The following ZFYVE26 variants were observed in gnomAD, a reference collection of about 807,000 sequenced individuals.
The protein encoded by ZFYVE26 is zinc finger FYVE domain-containing protein 26.
A neutral mutation model predicts 276.5 loss-of-function variants in ZFYVE26; 181 were observed. The observed-to-expected ratio is 0.65, with a 90% CI of 0.58 to 0.74. ZFYVE26 has a LOEUF of 0.74. Among genes scored for constraint, ZFYVE26 ranks in the 30% least tolerant of loss-of-function variants. The pLI is 0.00. For synonymous variants in ZFYVE26, 1,129 were observed against 1,203.1 expected, an observed-to-expected ratio of 0.94 and a Z score of 1.27; for missense variants, 2,821 against 3,097.9, an observed-to-expected ratio of 0.91 and a Z score of 2.12.
chr14:67,731,480 G>C (rs966882075), intron 13 of ZFYVE26, among the ~76,000 whole-genome samples: 25 of 151,940 alleles, frequency 1.6e-4, no homozygotes, highest in Non-Finnish European at 2.8e-4. Flanking sequence ...CTCCCAAAGT[G>C]CTGGGATTGC....
rs1285085525 is a variant in ZFYVE26 at position 67,769,638 on chromosome 14, G to C, written c.5577C>G (p.Asn1859Lys). ...KKMVVEGCRE[N>K]PARVCDQCYS... The stretch of plus-strand genomic sequence containing the variant: ...AGCACTGATCACACACACGAGCAGG[G>C]TTCTCTCTGCAGCCTTCAACCACCA... The change falls in exon 29 of 42, where the codon AAC becomes AAG. Residue 1859 changes from asparagine to lysine, a missense_variant. Asn to Lys is a moderately conservative substitution (Grantham distance 94). Coordinates refer to ENST00000347230, the MANE Select transcript of ZFYVE26 (RefSeq NM_015346.4). 2.5e-6 allele frequency: 4 copies of C among 1,613,914 alleles called. No individual in the cohort carries two copies. Among genetic ancestry groups the C allele is most frequent in the African/African-American group, 1.3e-5 (1 of 74,906 alleles).
chr14:67,790,776 G>A lies in ZFYVE26; in HGVS notation c.2554-3C>T, dbSNP rs768682526. On this transcript the variant is annotated splice_polypyrimidine_tract_variant and splice_region_variant and intron_variant, in intron 14 of 41. Coordinates refer to ENST00000347230, the MANE Select transcript of ZFYVE26 (RefSeq NM_015346.4). ...TTCAGGTTGAACGTGAACAGCACCT[G>A]TCATAGGAGAGGGAGTGTGTGGGCC... The A allele has an allele frequency of 2.5e-6, 4 of 1,613,716 alleles. No homozygotes were observed. Among genetic ancestry groups the A allele is most frequent in the Non-Finnish European group, 3.4e-6 (4 of 1,179,816 alleles).
rs77615336 is a variant in ZFYVE26 at position 67,762,063 on chromosome 14, GA to G, written c.6369+139del. Reference sequence around the variant, plus strand: ...GTTACTTATCTAACTATATGTGATGGAAAAAAAAAATTTTTAACCTGCTTGA... The same window carrying G: ...GTTACTTATCTAACTATATGTGATGGAAAAAAAAATTTTTAACCTGCTTGA... On this transcript the variant is annotated intron_variant, in intron 34 of 41. Coordinates refer to ENST00000347230, the MANE Select transcript of ZFYVE26 (RefSeq NM_015346.4). 1.3e-3 allele frequency: 1,231 copies of G among 947,988 alleles called. 7 individuals carry two copies. Among genetic ancestry groups the G allele is most frequent in the African/African-American group, 0.012 (758 of 61,082 alleles). The allele number at this position is 947,988 out of a possible 1,614,324, so 58.7% of individuals were successfully genotyped here.
At chr14:67,732,429 C>CAAAAAAA (rs11310522) in intron 13 of ZFYVE26, among the ~76,000 whole-genome samples, 1 of 126,492 alleles carries the variant, frequency 7.9e-6, no homozygotes, top group Non-Finnish European at 1.7e-5. Flanking sequence ...GACCCTATCT[C>CAAAAAAA]AAAAAAAAAA....
At chr14:67,756,507 C>T (rs2038783656) in intron 35 of ZFYVE26, 4 of 273,954 alleles carry the variant, frequency 1.5e-5, no homozygotes, top group Non-Finnish European at 2.8e-5. Context: ...ATCCTTGATC[C>T]TTATTTTCTA....
chr14:67,769,733 G>A lies in ZFYVE26; in HGVS notation c.5485-3C>T. 1 of 1,614,038 alleles carries A rather than the reference G, an allele frequency of 6.2e-7. No individual in the cohort carries two copies. Among genetic ancestry groups the A allele is most frequent in the Non-Finnish European group, 8.5e-7 (1 of 1,180,020 alleles). On this transcript the variant is annotated splice_polypyrimidine_tract_variant and splice_region_variant and intron_variant, in intron 28 of 41. Transcript: ENST00000347230. Reference sequence around the variant, plus strand: ...CGACAATGATGACGCCTGTTAAACTGAGGAATGCCATCAGGAGGAGAAGAA... The same window carrying A: ...CGACAATGATGACGCCTGTTAAACTAAGGAATGCCATCAGGAGGAGAAGAA...
intron 13 of ZFYVE26, 39 bp downstream of exon 13, chr14:67,794,132 A>G: frequency 6.2e-7 from 1 of 1,600,044 alleles, no homozygotes; most frequent in Non-Finnish European, 8.6e-7. Context: ...TATCAGGGCA[A>G]AGCTGCTCAA....
chr14:67,809,251 A>G lies in ZFYVE26; in HGVS notation c.312T>C (p.Phe104=), dbSNP rs765368162. The G allele has an allele frequency of 2.6e-5, 42 of 1,614,050 alleles. No homozygotes were observed. The highest frequency in any genetic ancestry group is 3.5e-5 in the Non-Finnish European group (41 of 1,180,040). The part of the protein sequence containing the change: ...LPVVFRRKLE[F]LLLSEDLQGD... ...CTTGGAGGTCTTCTGACAATAAAAG[A>G]AACTCAAGCTTTCTCCGGAAAACAA... The change falls in exon 4 of 42, where the codon TTT becomes TTC. Residue 104 remains phenylalanine, a synonymous_variant. Transcript: ENST00000347230.
chr14:67,753,561 T>C (rs1422201026), intron 39 of ZFYVE26, 146 bp downstream of exon 39: 6 of 918,252 alleles, frequency 6.5e-6, no homozygotes, highest in Non-Finnish European at 1.0e-5. Context: ...GACCCAGTTC[T>C]GTAACAGTCA....
chr14:67,811,624 C>A (rs2040303622), intron 3 of ZFYVE26, among the ~76,000 whole-genome samples: 1 of 151,582 alleles, frequency 6.6e-6, no homozygotes, highest in African/African-American at 2.4e-5. Context: ...AATAAGTAAA[C>A]TAAAATATGT....
intron 35 of ZFYVE26, among the ~76,000 whole-genome samples, chr14:67,756,712 C>G (rs958540370): frequency 6.6e-6 from 1 of 152,120 alleles, no homozygotes; most frequent in Non-Finnish European, 1.5e-5. Context: ...TTCGGAGGAA[C>G]CTACACTCTT....
At chr14:67,749,079 T>G (rs1426642771) in intron 41 of ZFYVE26, among the ~76,000 whole-genome samples, 1 of 152,182 alleles carries the variant, frequency 6.6e-6, no homozygotes, top group Non-Finnish European at 1.5e-5. Flanking sequence ...GCAAGAGTAG[T>G]GTCTGTTTTT....
chr14:67,815,846 G>C lies in ZFYVE26; in HGVS notation c.118C>G (p.Gln40Glu). The C allele has an allele frequency of 6.2e-7, 1 of 1,614,106 alleles. No homozygotes were observed. Among genetic ancestry groups the C allele is most frequent in the Non-Finnish European group, 8.5e-7 (1 of 1,180,028 alleles). Residue 40 changes from glutamine to glutamate, a missense_variant, in exon 2 of 42, where the codon CAG becomes GAG. Transcript: ENST00000347230. ...ELAQACVPQL[Q>E]EGQGDIPKRV... ...TTTGGGATATCCCCTTGTCCCTCCT[G>C]TAGCTGAGGTACACATGCCTGTGCC... is the stretch of plus-strand genomic sequence containing the variant.
Position 67,752,436 on chromosome 14 carries a change from T to G in ZFYVE26, c.7279A>C (p.Lys2427Gln), listed in dbSNP as rs1283239402. ...EKYSEIQQLL[K>Q]CVSESGMAAK... ...GCCATGCCTGACTCACTGACACATT[T>G]GAGCAGTTGCTGGATCTCACTGTAC... The change falls in exon 40 of 42, where the codon AAA becomes CAA. Residue 2427 changes from lysine (K) to glutamine (Q), a missense_variant. Lys to Gln is a moderately conservative substitution (Grantham distance 53). Coordinates refer to ENST00000347230, the MANE Select transcript of ZFYVE26 (RefSeq NM_015346.4). The G allele has an allele frequency of 1.2e-6, 2 of 1,614,102 alleles. No individual in the cohort carries two copies. The highest frequency in any genetic ancestry group is 1.7e-6 in the Non-Finnish European group (2 of 1,180,018).
At chr14:67,778,002 T>C (rs2039392828) in intron 24 of ZFYVE26, 124 bp downstream of exon 24, 3 of 1,441,130 alleles carry the variant, frequency 2.1e-6, no homozygotes, top group Non-Finnish European at 2.9e-6. Context: ...TATAACCAGC[T>C]CCTGAAAGAT....
chr14:67,786,274 AT>A (rs761647107), intron 16 of ZFYVE26, 41 bp from the exon 17 acceptor site: 1 of 1,587,956 alleles, frequency 6.3e-7, no homozygotes, highest in African/African-American at 1.4e-5. Context: ...AAAAAAAAAA[AT>A]TGAAGTGTTT....
chr14:67,737,747 G>A (rs186908034), intron 13 of ZFYVE26, among the ~76,000 whole-genome samples: 2 of 151,846 alleles, frequency 1.3e-5, no homozygotes, highest in South Asian at 2.1e-4. Flanking sequence ...TTTTTCTTTC[G>A]ACTTGGGGTC....
rs1040530431 is a variant in ZFYVE26, at chr14:67,780,148, A to C, written c.4674+93T>G. ...GTATAGTTATTTTTTTAAAAAGTGA[A>C]CATTGATATGCAGAAAGGGGCTTAT... On this transcript the variant is annotated intron_variant, in intron 23 of 41. Transcript: ENST00000347230. 5 of 1,187,462 alleles carry C rather than the reference A, an allele frequency of 4.2e-6. No individual in the cohort carries two copies. The African/African-American group carries it at 6.1e-5, about 14-fold the overall frequency. 73.6% of individuals were successfully genotyped at this position (1,187,462 alleles called of 1,614,324 possible).
At chr14:67,759,908 C>T (rs944722328) in intron 35 of ZFYVE26, among the ~76,000 whole-genome samples, 1 of 152,146 alleles carries the variant, frequency 6.6e-6, no homozygotes, top group African/African-American at 2.4e-5. Flanking sequence ...AGGGAAAAGG[C>T]TAGGGACAGA....
Sources: gnomAD v4.1 joint callset for allele counts (sites outside exome capture counted in the v4.1 genomes callset) on GRCh38, gnomAD v4.1.1 for gene constraint, MANE v1.5 for transcripts, NCBI Gene and HGNC (gene_info 2026-07-23, HGNC 2026-07-21) for gene names.